The following CNTRL variants were observed in gnomAD, a reference collection of about 807,000 sequenced individuals.
CNTRL encodes centriolin, also known as 110 kDa centrosomal protein.
A neutral mutation model predicts 303.7 loss-of-function variants in CNTRL; 233 were observed. That is an observed-to-expected ratio of 0.77 (90% CI 0.69 to 0.86). The LOEUF (loss-of-function observed/expected upper bound fraction) is 0.86. CNTRL is among the 40% of genes least tolerant of loss of function. The probability of loss-of-function intolerance (pLI) is 0.00; values close to 1 mark genes in which losing one functional copy is unlikely to be tolerated. For missense variants in CNTRL, 2,524 were observed against 2,650.6 expected (o/e 0.95, Z 1.05); for synonymous variants, 900 against 922.2 (o/e 0.98, Z 0.44).
intron 26 of CNTRL, 86 bp from the exon 27 acceptor site, chr9:121,154,635 T>C: frequency 1.3e-6 from 1 of 753,788 alleles, no homozygotes; most frequent in Non-Finnish European, 2.1e-6. Flanking sequence ...TAGAAAATCA[T>C]TGTAGATCTT....
intron 19 of CNTRL, among the ~76,000 whole-genome samples, chr9:121,142,972 C>T (rs1490074516): frequency 6.6e-6 from 1 of 151,916 alleles, no homozygotes; most frequent in East Asian, 1.9e-4. Context: ...TTTTATTTCC[C>T]TGACAAAACT....
At chr9:121,121,687 C>A in intron 12 of CNTRL, 1 of 634,618 alleles carries the variant, frequency 1.6e-6, no homozygotes, top group African/African-American at 2.0e-5. Context: ...CCCCTGGGAG[C>A]TTCCTGTGTT....
At chr9:121,165,965 C>T (rs2053073481) in intron 35 of CNTRL, 142 bp from the exon 36 acceptor site, 2 of 639,900 alleles carry the variant, frequency 3.1e-6, no homozygotes, top group African/African-American at 1.9e-5. Context: ...CTCTTTTGGC[C>T]TTTAATGAGA....
In CNTRL at chr9:121,115,222, A is replaced by G. The variant is rs546455966; in HGVS notation, c.1455+22A>G. On this transcript the variant is annotated intron_variant, in intron 11 of 43. Transcript: ENST00000373855. ...AAAGGTATGTAAAAGCAAAGCAGCA[A>G]TGCTAAGAGGAAATGAAAAATGAAA... 4 of 1,293,220 alleles carry G rather than the reference A, an allele frequency of 3.1e-6. No homozygotes were observed. The Admixed American group carries it at 5.7e-5, about 18-fold the overall frequency. The allele number at this position is 1,293,220 out of a possible 1,614,324, so 80.1% of individuals were successfully genotyped here.
rs937363409 is a variant in CNTRL at position 121,087,196 on chromosome 9, T to G, written c.-31-1100T>G. On this transcript the variant is annotated intron_variant, in intron 2 of 43. Transcript: ENST00000373855. ...TATGGGACAAGGGAAGAGGGAGGTG[T>G]CAGGAATGACTCCCAGGTTTTTGGC... 6.8e-4 allele frequency among the ~76,000 whole-genome samples: 103 copies of G among 152,070 alleles called. 6 individuals are homozygous for G. Among genetic ancestry groups the G allele is most frequent in the Non-Finnish European group, 1.0e-4 (7 of 68,000 alleles).
At chr9:121,166,664 G>A (rs1036383293) in intron 36 of CNTRL, among the ~76,000 whole-genome samples, 1 of 152,192 alleles carries the variant, frequency 6.6e-6, no homozygotes, top group African/African-American at 2.4e-5. Context: ...GTGTTGTCCT[G>A]TGAGACTAGT....
At chr9:121,150,522 T>C in intron 25 of CNTRL, 39 bp downstream of exon 25, 3 of 1,578,782 alleles carry the variant, frequency 1.9e-6, no homozygotes, top group Non-Finnish European at 2.6e-6. Flanking sequence ...CCACACTGCT[T>C]CCATGGGTGA....
intron 43 of CNTRL, 77 bp downstream of exon 43, chr9:121,175,301 C>A: frequency 1.5e-6 from 2 of 1,355,860 alleles, no homozygotes; most frequent in South Asian, 1.2e-5. Context: ...AGGTCTTGCC[C>A]TACCGCCCAG....
chr9:121,106,061 G>T (rs1346338930), intron 7 of CNTRL, among the ~76,000 whole-genome samples: 1 of 152,046 alleles, frequency 6.6e-6, no homozygotes, highest in Non-Finnish European at 1.5e-5. Flanking sequence ...AGTGGAGGCC[G>T]GGTGTAGCTG....
At chr9:121,110,373 A>G (rs1415965680) in intron 8 of CNTRL, among the ~76,000 whole-genome samples, 3 of 152,176 alleles carry the variant, frequency 2.0e-5, no homozygotes, top group Non-Finnish European at 4.4e-5. Flanking sequence ...TATAACTCAG[A>G]ATGACAATAA....
chr9:121,103,123 G>A (rs527648390), intron 7 of CNTRL, among the ~76,000 whole-genome samples: 1 of 152,316 alleles, frequency 6.6e-6, no homozygotes, highest in South Asian at 2.1e-4. Context: ...AAAGCTGGAG[G>A]CATCACACTA....
At chr9:121,075,800 T>A (rs370509592) in intron 1 of CNTRL, among the ~76,000 whole-genome samples, 1 of 152,328 alleles carries the variant, frequency 6.6e-6, no homozygotes, top group South Asian at 2.1e-4. Context: ...AAATAACTTG[T>A]ATGAGGTTAT....
At position 121,118,479 on chromosome 9, in the gene CNTRL, A is replaced by G; in HGVS notation, c.1589A>G (p.Gln530Arg). The change falls in exon 12 of 44, where the codon CAG becomes CGG. Residue 530 changes from glutamine (Q) to arginine (R), a missense_variant. Physicochemically the swap from Gln to Arg is conservative, Grantham distance 43. Transcript: ENST00000373855. ...EKQKQEIAGK[Q>R]KEIKDLQIAI... is the part of the protein sequence containing the mutation. The stretch of plus-strand genomic sequence containing the variant: ...CAAAAGCAGGAAATTGCCGGAAAGC[A>G]GAAGGAGATTAAGGACCTGCAAATA... 1.9e-6 allele frequency: 3 copies of G among 1,611,790 alleles called. No homozygotes were observed. The highest frequency in any genetic ancestry group is 2.5e-6 in the Non-Finnish European group (3 of 1,178,420).
chr9:121,172,095 G>A (rs16910381), intron 40 of CNTRL, among the ~76,000 whole-genome samples: 20,793 of 152,064 alleles, frequency 0.14, 1,459 homozygotes, highest in East Asian at 0.18. Flanking sequence ...AGTCTTTTGG[G>A]TGACCCCACG....
At chr9:121,146,372 G>C in intron 23 of CNTRL, 116 bp downstream of exon 23, 1 of 996,854 alleles carries the variant, frequency 1.0e-6, no homozygotes, top group Non-Finnish European at 1.4e-6. Context: ...ATGCTAAGCC[G>C]TGCATTGAGG....
At chr9:121,080,858 G>T (rs1380250884) in intron 2 of CNTRL, among the ~76,000 whole-genome samples, 1 of 152,172 alleles carries the variant, frequency 6.6e-6, no homozygotes, top group African/African-American at 2.4e-5. Context: ...ACAAAGACAG[G>T]TTGACTAGAG....
At chr9:121,150,598 G>A in intron 25 of CNTRL, 115 bp downstream of exon 25, 1 of 980,002 alleles carries the variant, frequency 1.0e-6, no homozygotes, top group Non-Finnish European at 1.5e-6. Context: ...AAGTGTGTTT[G>A]TAAGGCTGAT....
chr9:121,080,944 GA>G (rs2048113986), intron 2 of CNTRL, among the ~76,000 whole-genome samples: 1 of 152,182 alleles, frequency 6.6e-6, no homozygotes, highest in Non-Finnish European at 1.5e-5. Context: ...AAAAAATGCA[GA>G]AAAAATTATC....
rs200247383 is a variant in CNTRL, at chr9:121,151,384, C to CT, written c.3963+903dup. ...GATTACTTCCTTTTTCTTTTTTCTT[C>CT]TTCTTTTTTTTTTTTTTTTTTTTTG... On this transcript the variant is annotated intron_variant, in intron 25 of 43. Transcript: ENST00000373855. 3.3e-4 allele frequency among the ~76,000 whole-genome samples: 30 copies of CT among 91,510 alleles called. 2 individuals carry two copies. The highest frequency in any genetic ancestry group is 9.0e-4 in the East Asian group (2 of 2,218). The allele number at this position is 91,510 out of a possible 152,430, so 60.0% of individuals were successfully genotyped here. A position where few individuals can be genotyped will look rare whatever the true frequency, so the allele number is the denominator to read the frequency against.
Sources: allele counts gnomAD v4.1 joint callset (sites outside exome capture counted in the v4.1 genomes callset), GRCh38; gene constraint gnomAD v4.1.1; transcripts MANE v1.5; gene names NCBI Gene and HGNC (gene_info 2026-07-23, HGNC 2026-07-21).